Variants in RBFOX1 observed in about 807,000 individuals in gnomAD.
The protein encoded by RBFOX1 is RNA binding fox-1 homolog 1, also known as RNA binding protein fox-1 homolog 1.
RBFOX1 carries 8 observed loss-of-function variants against 57.7 expected under a neutral mutation model. The observed-to-expected ratio is 0.14, with a 90% CI of 0.08 to 0.25. The LOEUF is 0.25. Among genes scored for constraint, RBFOX1 ranks in the 10% least tolerant of loss-of-function variants. RBFOX1 has a pLI of 1.00. For missense variants in RBFOX1, 611 were observed against 548.5 expected (o/e 1.11, Z -1.14); for synonymous variants, 326 against 222.4 (o/e 1.47, Z -4.15).
At chr16:7,201,302 G>C (rs567193695) in intron 4 of RBFOX1, among the ~76,000 whole-genome samples, 1 of 152,176 alleles carries the variant, frequency 6.6e-6, no homozygotes, top group Non-Finnish European at 1.5e-5. Context: ...GGTAGTAGAA[G>C]AGGTGAAGTC....
intron 1 of RBFOX1, among the ~76,000 whole-genome samples, chr16:6,073,020 G>A (rs1246740041): frequency 6.6e-6 from 1 of 152,102 alleles, no homozygotes; most frequent in Non-Finnish European, 1.5e-5. Flanking sequence ...TATGTGAAAG[G>A]CTAGTGTATT....
intron 1 of RBFOX1, among the ~76,000 whole-genome samples, chr16:6,219,922 G>A (rs1037424670): frequency 2.6e-5 from 4 of 152,028 alleles, no homozygotes; most frequent in African/African-American, 9.7e-5. Context: ...TTCTCGTATC[G>A]ATTGTGATAA....
In RBFOX1 at chr16:5,946,900, G is replaced by A. The variant is rs9934177; in HGVS notation, c.351+79565G>A. Among the ~76,000 whole-genome samples, 50,555 of 152,036 alleles carry A rather than the reference G, an allele frequency of 0.33. 11,458 individuals carry two copies. The highest frequency in any genetic ancestry group is 0.65 in the African/African-American group (26,830 of 41,434). ...GAGTGTAGAGGTATGCTGCTTGAGT[G>A]GAGAAACAGAGTTTTCTCTGTTAGA... On this transcript the variant is annotated intron_variant, in intron 4 of 19. Coordinates refer to the RBFOX1 transcript ENST00000641259. The surrounding 1 kb of genome is among the most constrained non-coding windows in gnomAD (Gnocchi z 4.6).
intron 1 of RBFOX1, among the ~76,000 whole-genome samples, chr16:6,171,435 A>T (rs2096959831): frequency 6.6e-6 from 1 of 152,214 alleles, no homozygotes. Flanking sequence ...GCCTTTGGCC[A>T]AATCTAGAAC....
chr16:7,325,624 C>T (rs1797458852), intron 4 of RBFOX1, among the ~76,000 whole-genome samples: 1 of 152,106 alleles, frequency 6.6e-6, no homozygotes, highest in Non-Finnish European at 1.5e-5. Flanking sequence ...GATTAGTCCT[C>T]CACTGAGATT....
At chr16:6,469,497 GA>G (rs34880198) in intron 2 of RBFOX1, among the ~76,000 whole-genome samples, 3 of 152,130 alleles carry the variant, frequency 2.0e-5, no homozygotes, top group African/African-American at 7.2e-5. Flanking sequence ...TGCACTATGC[GA>G]AAAAGAGTTA....
chr16:6,976,580 A>G (rs933573153), intron 3 of RBFOX1, among the ~76,000 whole-genome samples: 16 of 151,918 alleles, frequency 1.1e-4, no homozygotes, highest in African/African-American at 3.9e-4. Flanking sequence ...GTGAAAGAAC[A>G]GCTACTTCAT....
chr16:6,497,009 T>C (rs2095789990), intron 2 of RBFOX1, among the ~76,000 whole-genome samples: 1 of 152,206 alleles, frequency 6.6e-6, no homozygotes, highest in Non-Finnish European at 1.5e-5. Context: ...ATCTGCCAAG[T>C]ACTACGAGAG....
chr16:6,999,491 C>G (rs986413944), intron 3 of RBFOX1, among the ~76,000 whole-genome samples: 5 of 151,402 alleles, frequency 3.3e-5, no homozygotes, highest in African/African-American at 7.3e-5. Context: ...CTGGAGCATT[C>G]TCAGTTGTTT....
intron 14 of RBFOX1, among the ~76,000 whole-genome samples, chr16:7,697,968 C>G (rs183256167): frequency 1.4e-4 from 22 of 152,196 alleles, no homozygotes; most frequent in East Asian, 1.2e-3. Flanking sequence ...GCTGGGAGTA[C>G]TGGTGTAGTT....
intron 4 of RBFOX1, among the ~76,000 whole-genome samples, chr16:7,180,205 A>G (rs189933583): frequency 6.6e-6 from 1 of 152,322 alleles, no homozygotes; most frequent in East Asian, 1.9e-4. Flanking sequence ...AGCAATTTTT[A>G]TATAGCATTT....
At chr16:5,385,085 C>T (rs777923387) in intron 1 of RBFOX1, among the ~76,000 whole-genome samples, 8 of 152,146 alleles carry the variant, frequency 5.3e-5, no homozygotes, top group Non-Finnish European at 5.9e-5. Flanking sequence ...TGGTAAATGC[C>T]GGGTTCAACA....
intron 4 of RBFOX1, among the ~76,000 whole-genome samples, chr16:5,996,499 A>G (rs2152325100): frequency 6.6e-6 from 1 of 150,732 alleles, no homozygotes; most frequent in Non-Finnish European, 1.5e-5. Flanking sequence ...TTGTGTGTAG[A>G]TTAGTGGAGG....
chr16:7,412,186 T>C (rs909752163), intron 4 of RBFOX1, among the ~76,000 whole-genome samples: 1 of 151,944 alleles, frequency 6.6e-6, no homozygotes, highest in Non-Finnish European at 1.5e-5. Context: ...GTAATCCCAG[T>C]ACTTTGGAGG....
intron 2 of RBFOX1, among the ~76,000 whole-genome samples, chr16:5,578,255 A>G (rs1225120224): frequency 6.6e-6 from 1 of 151,952 alleles, no homozygotes; most frequent in Non-Finnish European, 1.5e-5. Flanking sequence ...TGCCCTGGGG[A>G]TTTGTGATGG....
At chr16:6,660,666 T>C (rs2098695613) in intron 3 of RBFOX1, among the ~76,000 whole-genome samples, 1 of 152,210 alleles carries the variant, frequency 6.6e-6, no homozygotes, top group Non-Finnish European at 1.5e-5. Flanking sequence ...TGATACAATC[T>C]GCTTGAAATA....
At chr16:6,163,481 G>T (rs1242986804) in intron 1 of RBFOX1, among the ~76,000 whole-genome samples, 1 of 152,138 alleles carries the variant, frequency 6.6e-6, no homozygotes, top group Non-Finnish European at 1.5e-5. Flanking sequence ...AAGTTTCCAG[G>T]ACTTGACAAA....
intron 4 of RBFOX1, among the ~76,000 whole-genome samples, chr16:5,942,197 G>T (rs2059295200): frequency 6.6e-6 from 1 of 152,168 alleles, no homozygotes; most frequent in Non-Finnish European, 1.5e-5. Flanking sequence ...TGGGAGACTG[G>T]AGTTTTTTTT....
At chr16:6,136,203 C>T (rs145036658) in intron 1 of RBFOX1, among the ~76,000 whole-genome samples, 139 of 152,228 alleles carry the variant, frequency 9.1e-4, no homozygotes, top group African/African-American at 3.1e-3. Flanking sequence ...CCTGGAGATT[C>T]GGAGGCGATG....
Sources: gnomAD v4.1 joint callset for allele counts (sites outside exome capture counted in the v4.1 genomes callset) on GRCh38, gnomAD v4.1.1 for gene constraint, Gnocchi (gnomAD v3.1) non-coding constraint, MANE v1.5 for transcripts, NCBI Gene and HGNC (gene_info 2026-07-23, HGNC 2026-07-21) for gene names.